Variants in SDK1 observed in about 807,000 individuals in gnomAD.
SDK1 encodes the protein sidekick cell adhesion molecule 1.
SDK1 carries 157 observed loss-of-function variants against 245.5 expected under a neutral mutation model. That is an observed-to-expected ratio of 0.64 (90% confidence interval 0.56 to 0.73). The LOEUF (loss-of-function observed/expected upper bound fraction) is 0.73. Ranked by LOEUF, SDK1 falls within the 30% of genes least tolerant of loss-of-function variation. The pLI is 0.00. For synonymous variants in SDK1, 1,647 were observed against 1,278.5 expected (o/e 1.29, Z -6.15); for missense variants, 3,583 against 3,002.3 (o/e 1.19, Z -4.52).
chr7:3,798,374 C>A (rs986846214), intron 4 of SDK1, among the ~76,000 whole-genome samples: 5 of 151,894 alleles, frequency 3.3e-5, no homozygotes, highest in Admixed American at 6.6e-5. Context: ...CCCGCCACCA[C>A]GCCCAGCTAA....
In SDK1 at chr7:4,094,093, G is replaced by A. The variant is rs147447987; in HGVS notation, c.3324+14509G>A. ...TTTTTTTGAGACGGACTCTCATTCC[G>A]TTGCCCAGGCTGGAGTGCAGTGATG... is the stretch of plus-strand genomic sequence containing the variant. On this transcript the variant is annotated intron_variant, in intron 22 of 44. Coordinates refer to ENST00000404826, the MANE Select transcript of SDK1 (RefSeq NM_152744.4). 5.0e-3 allele frequency among the ~76,000 whole-genome samples: 764 copies of A among 152,142 alleles called. 2 individuals carry two copies. Among genetic ancestry groups the A allele is most frequent in the African/African-American group, 0.012 (507 of 41,474 alleles).
intron 14 of SDK1, among the ~76,000 whole-genome samples, chr7:3,996,851 A>G (rs1392092342): frequency 3.9e-5 from 6 of 152,146 alleles, no homozygotes; most frequent in African/African-American, 1.4e-4. Flanking sequence ...ATAATTTTAA[A>G]TAATTGGCAT....
At chr7:3,717,635 A>G (rs1209376640) in intron 4 of SDK1, among the ~76,000 whole-genome samples, 2 of 152,212 alleles carry the variant, frequency 1.3e-5, no homozygotes, top group East Asian at 1.9e-4. Flanking sequence ...GGAAAATACT[A>G]CAGCAGGTTT....
At chr7:3,521,116 C>A (rs1277629916) in intron 1 of SDK1, among the ~76,000 whole-genome samples, 2 of 152,154 alleles carry the variant, frequency 1.3e-5, no homozygotes, top group African/African-American at 4.8e-5. Context: ...CCATCTTCTG[C>A]CAGCTCTTGG....
At chr7:4,049,130 T>C (rs1789245977) in intron 17 of SDK1, among the ~76,000 whole-genome samples, 1 of 152,250 alleles carries the variant, frequency 6.6e-6, no homozygotes, top group Non-Finnish European at 1.5e-5. Flanking sequence ...TTTCTGCCTA[T>C]GCCTTAAAGA....
intron 5 of SDK1, among the ~76,000 whole-genome samples, chr7:3,914,403 A>G (rs903149212): frequency 6.6e-6 from 1 of 152,268 alleles, no homozygotes; most frequent in Non-Finnish European, 1.5e-5. Context: ...ACATGTGCAC[A>G]TATAGAGAGA....
At chr7:3,629,160 G>T (rs1449701618) in intron 2 of SDK1, among the ~76,000 whole-genome samples, 2 of 151,696 alleles carry the variant, frequency 1.3e-5, no homozygotes, top group African/African-American at 2.4e-5. Context: ...AATTAGCCGG[G>T]CATGGTGGCG....
intron 28 of SDK1, among the ~76,000 whole-genome samples, chr7:4,137,363 C>T (rs935539745): frequency 2.6e-5 from 4 of 152,276 alleles, no homozygotes; most frequent in South Asian, 4.1e-4. Context: ...AGCTGTGCGG[C>T]GTCAGTCTTC....
intron 4 of SDK1, among the ~76,000 whole-genome samples, chr7:3,701,149 C>T (rs960121390): frequency 6.6e-6 from 1 of 152,164 alleles, no homozygotes; most frequent in African/African-American, 2.4e-5. Context: ...CATTTCTATA[C>T]AGTAGCAGTA....
In SDK1 at chr7:3,447,978, G is replaced by T. The variant is rs143685025; in HGVS notation, c.298+146094G>T. Among the ~76,000 whole-genome samples the T allele has an allele frequency of 4.2e-3, 637 of 152,100 alleles. 7 individuals are homozygous for T. Among genetic ancestry groups the T allele is most frequent in the South Asian group, 0.018 (87 of 4,810 alleles). Reference sequence around the variant, plus strand: ...CTCAGCCTCCCACAGTGCTGGGATTGCAGGTGTGAGCCACTGCACCCGGCC... The same window carrying T: ...CTCAGCCTCCCACAGTGCTGGGATTTCAGGTGTGAGCCACTGCACCCGGCC... On this transcript the variant is annotated intron_variant, in intron 1 of 44. Coordinates refer to ENST00000404826, the MANE Select transcript of SDK1 (RefSeq NM_152744.4).
rs571073677 is a variant in SDK1 at position 3,341,974 on chromosome 7, C to T, written c.298+40090C>T. Among the ~76,000 whole-genome samples the T allele has an allele frequency of 7.2e-5, 11 of 152,128 alleles. No individual in the cohort carries two copies. In the South Asian group the frequency reaches 1.7e-3, roughly 23 times the overall value. Reference sequence around the variant, plus strand: ...GGCATAGGCCCCAGAATAACTAAAACGATCTAGTAAAAGAATAAAGCAGTT... The same window carrying T: ...GGCATAGGCCCCAGAATAACTAAAATGATCTAGTAAAAGAATAAAGCAGTT... On this transcript the variant is annotated intron_variant, in intron 1 of 44. Transcript: ENST00000404826.
chr7:3,580,968 CAAAAAAAAAAAAAA>C (rs60617574), intron 1 of SDK1, among the ~76,000 whole-genome samples: 2 of 24,888 alleles, frequency 8.0e-5, no homozygotes, highest in African/African-American at 1.1e-4. Flanking sequence ...GACTCCATCT[CAAAAAAAAAAAAAA>C]AAAAAAAAAA....
At chr7:3,541,865 T>C (rs1333833144) in intron 1 of SDK1, among the ~76,000 whole-genome samples, 25 of 152,196 alleles carry the variant, frequency 1.6e-4, no homozygotes, top group Admixed American at 1.5e-3. Context: ...TGCCCTCTTA[T>C]GTTTTGTTAT....
At chr7:3,388,035 T>C (rs1781653323) in intron 1 of SDK1, among the ~76,000 whole-genome samples, 1 of 152,222 alleles carries the variant, frequency 6.6e-6, no homozygotes, top group South Asian at 2.1e-4. Context: ...ATCTGCATTG[T>C]CCTAATTTTA....
At chr7:4,164,849 A>G (rs1781398759) in intron 32 of SDK1, among the ~76,000 whole-genome samples, 1 of 152,204 alleles carries the variant, frequency 6.6e-6, no homozygotes, top group African/African-American at 2.4e-5. Context: ...GAACAAACTA[A>G]TTGCAAGAAG....
intron 5 of SDK1, among the ~76,000 whole-genome samples, chr7:3,902,500 G>A (rs1383089894): frequency 2.0e-5 from 3 of 152,262 alleles, no homozygotes; most frequent in African/African-American, 7.2e-5. Context: ...AAGGGTTACA[G>A]TCAGATATTG....
intron 4 of SDK1, among the ~76,000 whole-genome samples, chr7:3,798,319 A>T (rs762678459): frequency 1.4e-5 from 2 of 143,336 alleles, no homozygotes. Flanking sequence ...CTGGGTTCAC[A>T]CCATTCTCCT....
intron 1 of SDK1, among the ~76,000 whole-genome samples, chr7:3,416,411 G>T (rs1386122681): frequency 6.6e-6 from 1 of 151,822 alleles, no homozygotes; most frequent in Non-Finnish European, 1.5e-5. Flanking sequence ...GGAAAGCTCG[G>T]GGCTTGACAT....
At chr7:3,358,688 C>T (rs4722723) in intron 1 of SDK1, among the ~76,000 whole-genome samples, 80,761 of 151,556 alleles carry the variant, frequency 0.53, 22,931 homozygotes, top group African/African-American at 0.75. Context: ...AGCATTGATA[C>T]TGATCTTGAG....
Sources: allele counts gnomAD v4.1 joint callset (sites outside exome capture counted in the v4.1 genomes callset), GRCh38; gene constraint gnomAD v4.1.1; transcripts MANE v1.5; gene names NCBI Gene and HGNC (gene_info 2026-07-23, HGNC 2026-07-21).